LINGO2: variants seen among roughly 807,000 people sequenced by gnomAD.
The protein encoded by LINGO2 is leucine-rich repeat and immunoglobulin-like domain-containing nogo receptor-interacting protein 2.
A neutral mutation model predicts 30.6 loss-of-function variants in LINGO2; 14 were observed. The ratio of observed to expected loss-of-function variants is 0.46; its 90% CI spans 0.30 to 0.72. The LOEUF is 0.72. Ranked by LOEUF, LINGO2 falls within the 30% of genes least tolerant of loss-of-function variation. The pLI, the probability that LINGO2 is intolerant of heterozygous loss-of-function variation, is 0.07. For missense variants in LINGO2, 729 were observed against 751.7 expected (o/e 0.97, Z 0.35); for synonymous variants, 317 against 288.5 (o/e 1.10, Z -1.00).
chr9:28,104,266 G>GTTTTTT (rs74180789), intron 4 of LINGO2, among the ~76,000 whole-genome samples: 13 of 97,446 alleles, frequency 1.3e-4, no homozygotes, highest in African/African-American at 2.3e-4. Flanking sequence ...TTTTTTGTTT[G>GTTTTTT]TTTTTTTTTT....
chr9:28,158,892 AC>A, intron 4 of LINGO2, among the ~76,000 whole-genome samples: 1 of 152,242 alleles, frequency 6.6e-6, no homozygotes, highest in Admixed American at 6.5e-5. Context: ...CATTGTAAAC[AC>A]TGAAAAAGGA....
intron 1 of LINGO2, among the ~76,000 whole-genome samples, chr9:28,586,039 T>G (rs35656844): frequency 0.087 from 13,211 of 151,634 alleles, 726 homozygotes; most frequent in East Asian, 0.18. Flanking sequence ...TTGTTTTTTT[T>G]TGTGCATTTC....
At chr9:28,939,241 C>G in the LINGO2 span, among the ~76,000 whole-genome samples, 1 of 152,212 alleles carries the variant, frequency 6.6e-6, no homozygotes, top group Middle Eastern at 3.4e-3. Flanking sequence ...AAGAGAACAG[C>G]CACTCCTCCT....
chr9:28,247,109 G>T (rs1822031924), intron 4 of LINGO2, among the ~76,000 whole-genome samples: 1 of 152,122 alleles, frequency 6.6e-6, no homozygotes, highest in South Asian at 2.1e-4. Context: ...ATTAATGATG[G>T]CAAGGCTGTG....
intron 5 of LINGO2, among the ~76,000 whole-genome samples, chr9:27,974,740 T>G (rs1820515039): frequency 6.6e-6 from 1 of 152,102 alleles, no homozygotes; most frequent in African/African-American, 2.4e-5. Context: ...GTCATTTAAT[T>G]TATTCAATAT....
At chr9:28,406,662 T>G (rs1422563759) in intron 2 of LINGO2, among the ~76,000 whole-genome samples, 1 of 152,164 alleles carries the variant, frequency 6.6e-6, no homozygotes, top group Admixed American at 6.6e-5. Flanking sequence ...TTCAGAAAAT[T>G]TGCTTTGACA....
chr9:27,952,943 A>G (rs543048778), intron 5 of LINGO2, among the ~76,000 whole-genome samples: 17 of 152,190 alleles, frequency 1.1e-4, no homozygotes, highest in Non-Finnish European at 2.2e-4. Context: ...TGTGATTGCT[A>G]AACTGGAGAA....
At chr9:28,883,956 G>A in the LINGO2 span, among the ~76,000 whole-genome samples, 4 of 151,408 alleles carry the variant, frequency 2.6e-5, no homozygotes, top group African/African-American at 7.3e-5. Context: ...GGGATTACAG[G>A]CGTGAGCCAC....
chr9:28,863,562 G>A, the LINGO2 span: 2 of 494,072 alleles, frequency 4.0e-6, no homozygotes, highest in Non-Finnish European at 8.4e-6. Flanking sequence ...AAAGTGGCTT[G>A]TTCTCAATGG....
chr9:28,804,559 AAAAAC>A, the LINGO2 span, among the ~76,000 whole-genome samples: 17 of 108,462 alleles, frequency 1.6e-4, no homozygotes, highest in Middle Eastern at 5.3e-3. Flanking sequence ...AAACAAAAAC[AAAAAC>A]AAAAAAAAAA....
At chr9:28,106,437 T>C (rs1330038617) in intron 4 of LINGO2, among the ~76,000 whole-genome samples, 1 of 152,172 alleles carries the variant, frequency 6.6e-6, no homozygotes, top group African/African-American at 2.4e-5. Flanking sequence ...CTCTCCCCTC[T>C]CCGTGCCCCA....
At chr9:28,349,333 C>T (rs1183067661) in intron 3 of LINGO2, among the ~76,000 whole-genome samples, 8 of 141,888 alleles carry the variant, frequency 5.6e-5, no homozygotes, top group African/African-American at 1.3e-4. Context: ...AACCAAGGCT[C>T]GAGAACTACG....
At chr9:29,075,662 A>T in the LINGO2 span, among the ~76,000 whole-genome samples, 1 of 152,160 alleles carries the variant, frequency 6.6e-6, no homozygotes, top group African/African-American at 2.4e-5. Context: ...GGGTAAATTT[A>T]AAATCCTGGT....
chr9:28,100,144 T>G (rs910456113), intron 4 of LINGO2, among the ~76,000 whole-genome samples: 1 of 152,162 alleles, frequency 6.6e-6, no homozygotes, highest in Non-Finnish European at 1.5e-5. Context: ...TGGTATATAC[T>G]TCACACCTAG....
At chr9:28,585,624 T>A (rs1453793903) in intron 1 of LINGO2, among the ~76,000 whole-genome samples, 1 of 152,044 alleles carries the variant, frequency 6.6e-6, no homozygotes, top group Non-Finnish European at 1.5e-5. Context: ...GTTTAAGCTA[T>A]TAGGCTAAGG....
chr9:28,249,581 G>A (rs1822121829), intron 4 of LINGO2, among the ~76,000 whole-genome samples: 1 of 152,006 alleles, frequency 6.6e-6, no homozygotes, highest in Non-Finnish European at 1.5e-5. Flanking sequence ...GGTTGATTGA[G>A]TAATCAAATT....
At chr9:28,091,999 C>A (rs1223840894) in intron 4 of LINGO2, among the ~76,000 whole-genome samples, 2 of 152,102 alleles carry the variant, frequency 1.3e-5, no homozygotes, top group Non-Finnish European at 2.9e-5. Flanking sequence ...CAATGAGATA[C>A]CATCTCATAC....
intron 4 of LINGO2, among the ~76,000 whole-genome samples, chr9:28,117,674 C>T (rs1406613586): frequency 7.3e-6 from 1 of 136,320 alleles, no homozygotes; most frequent in African/African-American, 2.8e-5. Context: ...ACCCGATTTT[C>T]CAGGTGCGTC....
chr9:28,088,171 G>A (rs968360773), intron 4 of LINGO2, among the ~76,000 whole-genome samples: 6 of 149,350 alleles, frequency 4.0e-5, no homozygotes, highest in Admixed American at 6.8e-5. Context: ...GGTTTGAGGA[G>A]ATGAAGAAAT....
Sources: gnomAD v4.1 joint callset for allele counts (sites outside exome capture counted in the v4.1 genomes callset) on GRCh38, gnomAD v4.1.1 for gene constraint, MANE v1.5 for transcripts, NCBI Gene and HGNC (gene_info 2026-07-23, HGNC 2026-07-21) for gene names.